CTNNA3: variants seen among roughly 807,000 people sequenced by gnomAD.
CTNNA3 encodes catenin alpha 3.
A neutral mutation model predicts 95.7 loss-of-function variants in CTNNA3; 76 were observed. The ratio of observed to expected loss-of-function variants is 0.79; its 90% CI spans 0.66 to 0.96. The LOEUF (loss-of-function observed/expected upper bound fraction) is 0.96, where lower values mean the gene tolerates loss of function less well. Among genes scored for constraint, CTNNA3 ranks in the 40% least tolerant of loss-of-function variants. The pLI is 0.00. For synonymous variants in CTNNA3, 431 were observed against 374.4 expected (o/e 1.15, Z -1.74); for missense variants, 1,191 against 1,089.8 (o/e 1.09, Z -1.31).
intron 10 of CTNNA3, among the ~76,000 whole-genome samples, chr10:66,529,808 A>C (rs761983307): frequency 6.6e-6 from 1 of 152,172 alleles, no homozygotes; most frequent in Non-Finnish European, 1.5e-5. Context: ...AAAATTATAG[A>C]AGAAACTCTA....
chr10:66,980,438 T>A (rs188072971), intron 7 of CTNNA3, among the ~76,000 whole-genome samples: 1 of 152,038 alleles, frequency 6.6e-6, no homozygotes, highest in East Asian at 1.9e-4. Flanking sequence ...GCCACAGCTG[T>A]CACTGGCCTT....
chr10:67,227,561 T>C (rs1218434316), intron 5 of CTNNA3, among the ~76,000 whole-genome samples: 1 of 152,014 alleles, frequency 6.6e-6, no homozygotes. Flanking sequence ...CAATTACTAA[T>C]AGATCTACGC....
At chr10:66,682,638 CTTT>C (rs55925717) in intron 9 of CTNNA3, among the ~76,000 whole-genome samples, 6 of 141,718 alleles carry the variant, frequency 4.2e-5, no homozygotes, top group South Asian at 2.3e-4. Flanking sequence ...TGGAGGCTTT[CTTT>C]TTTTTTTTTA....
intron 13 of CTNNA3, among the ~76,000 whole-genome samples, chr10:66,152,719 A>G (rs755953196): frequency 2.6e-5 from 4 of 151,920 alleles, no homozygotes; most frequent in Admixed American, 1.3e-4. Flanking sequence ...ACTTTTTCCT[A>G]TTATCACCTC....
chr10:67,284,738 T>C lies in CTNNA3; in HGVS notation c.580-64868A>G, dbSNP rs917670360. ...AAAACCCTCATTCCAAAAGAGTAAC[T>C]TTCCTTAAAATGTTATAACCAATGG... On this transcript the variant is annotated intron_variant, in intron 5 of 17. Transcript: ENST00000433211. Among the ~76,000 whole-genome samples, 3 of 152,184 alleles carry C rather than the reference T, an allele frequency of 2.0e-5. No homozygotes were observed. In the South Asian group the frequency reaches 6.2e-4, roughly 31 times the overall value.
intron 7 of CTNNA3, among the ~76,000 whole-genome samples, chr10:67,009,231 A>T (rs555751856): frequency 2.8e-4 from 43 of 152,218 alleles, no homozygotes; most frequent in South Asian, 2.5e-3. Flanking sequence ...AATACAAATT[A>T]TATTTATATT....
At chr10:67,627,969 G>C (rs1230540759) in intron 2 of CTNNA3, among the ~76,000 whole-genome samples, 1 of 151,670 alleles carries the variant, frequency 6.6e-6, no homozygotes, top group Non-Finnish European at 1.5e-5. Context: ...ATATAGTTCA[G>C]AGATTATGTA....
chr10:67,726,230 TTATA>T (rs1191809930), intron 1 of CTNNA3, among the ~76,000 whole-genome samples: 1 of 93,522 alleles, frequency 1.1e-5, no homozygotes, highest in Non-Finnish European at 1.8e-5. Flanking sequence ...ACATCATACA[TTATA>T]TATTATATAT....
intron 5 of CTNNA3, among the ~76,000 whole-genome samples, chr10:67,307,449 C>T (rs1196834510): frequency 6.6e-6 from 1 of 152,142 alleles, no homozygotes; most frequent in Admixed American, 6.6e-5. Flanking sequence ...TTCTATACAA[C>T]ATGCTACTGA....
intron 5 of CTNNA3, among the ~76,000 whole-genome samples, chr10:67,442,112 T>A (rs568687618): frequency 2.0e-5 from 3 of 152,312 alleles, no homozygotes; most frequent in South Asian, 2.1e-4. Flanking sequence ...AGTTTTCTTT[T>A]TGTTTTTTTG....
At chr10:67,380,972 T>C (rs142553298) in intron 5 of CTNNA3, among the ~76,000 whole-genome samples, 50 of 152,316 alleles carry the variant, frequency 3.3e-4, no homozygotes, top group Non-Finnish European at 5.7e-4. Flanking sequence ...TCAGGTACCA[T>C]ATAACAAATC....
At chr10:66,003,284 A>AT (rs1417779613) in intron 15 of CTNNA3, among the ~76,000 whole-genome samples, 1 of 151,798 alleles carries the variant, frequency 6.6e-6, no homozygotes, top group Non-Finnish European at 1.5e-5. Context: ...AGAATACTTT[A>AT]TTACTATTGC....
chr10:66,928,223 T>G, intron 7 of CTNNA3: 1 of 1,614,146 alleles, frequency 6.2e-7, no homozygotes, highest in East Asian at 2.2e-5. Context: ...GTCATCCTGC[T>G]GGTTATCTAC....
chr10:66,930,145 C>T (rs1925575), intron 7 of CTNNA3, among the ~76,000 whole-genome samples: 61,027 of 151,974 alleles, frequency 0.4, 12,456 homozygotes, highest in Admixed American at 0.47. Context: ...GATGCCAGAT[C>T]ATTAAAATCA....
chr10:66,532,095 A>T (rs2132051842), intron 10 of CTNNA3, among the ~76,000 whole-genome samples: 1 of 152,284 alleles, frequency 6.6e-6, no homozygotes, highest in East Asian at 1.9e-4. Flanking sequence ...TCATATAGAC[A>T]TAAAGTCAAA....
chr10:66,650,579 TAC>T (rs1048439460), intron 9 of CTNNA3, among the ~76,000 whole-genome samples: 3 of 152,118 alleles, frequency 2.0e-5, no homozygotes, highest in African/African-American at 7.2e-5. Context: ...CGATGAATGT[TAC>T]AGTTTTTAAA....
At chr10:66,414,673 T>C (rs1165782831) in intron 11 of CTNNA3, among the ~76,000 whole-genome samples, 2 of 152,110 alleles carry the variant, frequency 1.3e-5, no homozygotes, top group Non-Finnish European at 2.9e-5. Flanking sequence ...GACTGCACAC[T>C]GTCCTGGAAC....
At chr10:67,636,290 C>T (rs186910901) in intron 2 of CTNNA3, among the ~76,000 whole-genome samples, 2 of 152,240 alleles carry the variant, frequency 1.3e-5, no homozygotes, top group East Asian at 1.9e-4. Context: ...CTACCACTGA[C>T]ATTCTTCACA....
In CTNNA3 at chr10:66,927,524, G is replaced by A. The variant is rs1168698857; in HGVS notation, c.1048-152000C>T. ...AGTTTAGCCAGGAATGTCTTTGCTG[G>A]CATGATCAGACTCAAAGAACTTCAC... On this transcript the variant is annotated intron_variant, in intron 7 of 17. Transcript: ENST00000433211. This position sits in a 1 kb window ranked among gnomAD's most constrained non-coding sequence, Gnocchi z 4.7. 1.2e-6 allele frequency: 2 copies of A among 1,614,146 alleles called. No homozygotes were observed. Among genetic ancestry groups the A allele is most frequent in the Non-Finnish European group, 1.7e-6 (2 of 1,180,032 alleles).
Sources: gnomAD v4.1 joint callset for allele counts (sites outside exome capture counted in the v4.1 genomes callset) on GRCh38, gnomAD v4.1.1 for gene constraint, Gnocchi (gnomAD v3.1) non-coding constraint, MANE v1.5 for transcripts, NCBI Gene and HGNC (gene_info 2026-07-23, HGNC 2026-07-21) for gene names.